PSPC1: variants seen among roughly 807,000 people sequenced by gnomAD.
PSPC1 encodes paraspeckle protein 1.
A neutral mutation model predicts 51.6 loss-of-function variants in PSPC1; 14 were observed. The ratio of observed to expected loss-of-function variants is 0.27; its 90% confidence interval spans 0.18 to 0.42. The LOEUF is 0.42. Among genes scored for constraint, PSPC1 ranks in the 10% least tolerant of loss-of-function variants. The pLI, the probability that PSPC1 is intolerant of heterozygous loss-of-function variation, is 1.00. For synonymous variants in PSPC1, 193 were observed against 231.9 expected (o/e 0.83, Z 1.53); for missense variants, 406 against 701.1 (o/e 0.58, Z 4.75).
intron 2 of PSPC1, among the ~76,000 whole-genome samples, chr13:19,768,521 G>A (rs1483235645): frequency 7.3e-5 from 11 of 150,700 alleles, no homozygotes; most frequent in Non-Finnish European, 1.5e-4. Context: ...GGTGGCTGGC[G>A]CCTGTAGTCT....
intron 3 of PSPC1, among the ~76,000 whole-genome samples, chr13:19,752,861 C>T (rs1886702271): frequency 6.6e-6 from 1 of 150,916 alleles, no homozygotes; most frequent in Non-Finnish European, 1.5e-5. Context: ...TCTGGGATTA[C>T]AGGCGTGAGC....
chr13:19,692,713 A>C (rs1470902128), intron 6 of PSPC1, among the ~76,000 whole-genome samples: 1 of 152,132 alleles, frequency 6.6e-6, no homozygotes, highest in Non-Finnish European at 1.5e-5. Context: ...GTCTCTGTTC[A>C]TAGTATCCTC....
At chr13:19,779,266 T>C (rs1889592210) in intron 1 of PSPC1, among the ~76,000 whole-genome samples, 1 of 38,896 alleles carries the variant, frequency 2.6e-5, no homozygotes, top group African/African-American at 5.5e-5. Context: ...AGCCACCCCG[T>C]CCGGGAGGGA....
At chr13:19,710,551 A>C (rs1329692346) in intron 6 of PSPC1, among the ~76,000 whole-genome samples, 1 of 152,256 alleles carries the variant, frequency 6.6e-6, no homozygotes, top group East Asian at 1.9e-4. Flanking sequence ...AATCTTATTA[A>C]AATCTAAATG....
intron 6 of PSPC1, among the ~76,000 whole-genome samples, chr13:19,690,147 T>C (rs973082414): frequency 6.6e-6 from 1 of 152,226 alleles, no homozygotes; most frequent in Admixed American, 6.5e-5. Context: ...ATCCAATGTA[T>C]CAAAACCTGA....
intron 5 of PSPC1, among the ~76,000 whole-genome samples, chr13:19,733,772 A>G (rs1884422264): frequency 2.0e-4 from 2 of 9,924 alleles, no homozygotes; most frequent in Non-Finnish European, 1.1e-3. Context: ...CAAAAACAAG[A>G]AAAAAGAAAA....
intron 4 of PSPC1, among the ~76,000 whole-genome samples, chr13:19,743,300 T>C (rs1885620227): frequency 6.6e-6 from 1 of 152,180 alleles, no homozygotes; most frequent in Non-Finnish European, 1.5e-5. Context: ...TTACCTCAAC[T>C]GAATGTTTCT....
chr13:19,671,769 T>G (rs1203986987), downstream of PSPC1: 9 of 1,518,492 alleles, frequency 5.9e-6, no homozygotes, highest in Non-Finnish European at 8.2e-6. Flanking sequence ...CATTTGTGGG[T>G]TTTTTCTTGT....
chr13:19,743,209 TA>T (rs767554241), intron 4 of PSPC1, among the ~76,000 whole-genome samples: 29 of 152,322 alleles, frequency 1.9e-4, no homozygotes, highest in Middle Eastern at 3.4e-3. Flanking sequence ...AATAAAATGT[TA>T]AAATACTCTG....
chr13:19,707,505 C>A (rs1455419995), intron 7 of PSPC1, among the ~76,000 whole-genome samples: 1 of 152,116 alleles, frequency 6.6e-6, no homozygotes, highest in African/African-American at 2.4e-5. Flanking sequence ...TTCTCAACAA[C>A]CCAACTGGAT....
At chr13:19,735,577 C>A (rs1367308091) in intron 5 of PSPC1, among the ~76,000 whole-genome samples, 2 of 152,162 alleles carry the variant, frequency 1.3e-5, no homozygotes, top group Non-Finnish European at 2.9e-5. Context: ...AAATACATTT[C>A]TCCCAAAATG....
intron 6 of PSPC1, among the ~76,000 whole-genome samples, chr13:19,683,209 A>G (rs899391396): frequency 3.3e-5 from 5 of 152,254 alleles, no homozygotes; most frequent in Admixed American, 3.3e-4. Context: ...GACTTGTACA[A>G]GAGTGTTCAT....
At chr13:19,728,918 C>A (rs566506629) in intron 6 of PSPC1, among the ~76,000 whole-genome samples, 1 of 152,068 alleles carries the variant, frequency 6.6e-6, no homozygotes, top group Non-Finnish European at 1.5e-5. Context: ...CATAAATATT[C>A]CAGCCCAGGT....
At chr13:19,720,155 A>G (rs190683835) in intron 6 of PSPC1, among the ~76,000 whole-genome samples, 42 of 152,324 alleles carry the variant, frequency 2.8e-4, no homozygotes, top group African/African-American at 9.4e-4. Flanking sequence ...ACAATGAGCA[A>G]GGATACCAGC....
chr13:19,752,486 C>T (rs1317485880), intron 3 of PSPC1, among the ~76,000 whole-genome samples: 1 of 152,024 alleles, frequency 6.6e-6, no homozygotes, highest in Non-Finnish European at 1.5e-5. Context: ...AAACTCCTGG[C>T]CTCAAGTAAT....
chr13:19,776,914 T>TC (rs1239114947), intron 1 of PSPC1, among the ~76,000 whole-genome samples: 10 of 150,246 alleles, frequency 6.7e-5, no homozygotes, highest in Non-Finnish European at 1.2e-4. Flanking sequence ...TCACCTGAGG[T>TC]CAGGAGTTCA....
chr13:19,727,041 T>TG (rs1883432786), intron 6 of PSPC1, among the ~76,000 whole-genome samples: 1 of 152,242 alleles, frequency 6.6e-6, no homozygotes, highest in Admixed American at 6.5e-5. Context: ...GAAAAGGGTA[T>TG]GAAGAATTAT....
intron 6 of PSPC1, among the ~76,000 whole-genome samples, chr13:19,686,291 G>C (rs1877867542): frequency 6.6e-6 from 1 of 152,126 alleles, no homozygotes; most frequent in Admixed American, 6.5e-5. Context: ...AAATTACCTG[G>C]GGGAGGGAGA....
At chr13:19,730,975 A>AAAAAC (rs1884032743) in intron 5 of PSPC1, among the ~76,000 whole-genome samples, 2 of 147,724 alleles carry the variant, frequency 1.4e-5, no homozygotes, top group Non-Finnish European at 3.0e-5. Context: ...CAAAAAAAAA[A>AAAAAC]AAAACAGAAA....
Sources: gnomAD v4.1 joint callset for allele counts (sites outside exome capture counted in the v4.1 genomes callset) on GRCh38, gnomAD v4.1.1 for gene constraint, MANE v1.5 for transcripts, NCBI Gene and HGNC (gene_info 2026-07-23, HGNC 2026-07-21) for gene names.